The following PDSS2 variants were observed in gnomAD, a reference collection of about 807,000 sequenced individuals.
The protein encoded by PDSS2 is all trans-polyprenyl-diphosphate synthase PDSS2.
A neutral mutation model predicts 44.5 loss-of-function variants in PDSS2; 31 were observed. That is an observed-to-expected ratio of 0.70 (90% CI 0.52 to 0.94). PDSS2 has a LOEUF of 0.94. PDSS2 is among the 40% of genes least tolerant of loss of function. The pLI is 0.00. For synonymous variants in PDSS2, 157 were observed against 180.3 expected, an observed-to-expected ratio of 0.87 and a Z score of 1.03; for missense variants, 452 against 482.2, an observed-to-expected ratio of 0.94 and a Z score of 0.59.
At chr6:107,300,394 G>A (rs1008939680) in intron 2 of PDSS2, among the ~76,000 whole-genome samples, 5 of 140,634 alleles carry the variant, frequency 3.6e-5, no homozygotes, top group African/African-American at 1.0e-4. Flanking sequence ...AACAGCACTT[G>A]GGTTTTCCTG....
intron 2 of PDSS2, among the ~76,000 whole-genome samples, chr6:107,307,341 T>A (rs1776892068): frequency 6.6e-6 from 1 of 152,198 alleles, no homozygotes; most frequent in Non-Finnish European, 1.5e-5. Flanking sequence ...CCCCTGTTCA[T>A]CTCAGAGAAT....
chr6:107,213,320 T>C (rs1181449357), intron 4 of PDSS2, among the ~76,000 whole-genome samples: 1 of 151,920 alleles, frequency 6.6e-6, no homozygotes, highest in African/African-American at 2.4e-5. Flanking sequence ...TAATTTTTTT[T>C]TTTTTTTTTA....
At chr6:107,390,747 A>C (rs1213167748) in intron 1 of PDSS2, among the ~76,000 whole-genome samples, 2 of 152,136 alleles carry the variant, frequency 1.3e-5, no homozygotes, top group Non-Finnish European at 2.9e-5. Context: ...CCATAAATCT[A>C]ACATTATTCC....
chr6:107,335,205 G>C (rs1418559203), intron 1 of PDSS2, among the ~76,000 whole-genome samples: 1 of 150,860 alleles, frequency 6.6e-6, no homozygotes, highest in Non-Finnish European at 1.5e-5. Context: ...CACATTTGAG[G>C]CTTCCTCATT....
At chr6:107,285,516 T>C (rs1264831774) in intron 2 of PDSS2, among the ~76,000 whole-genome samples, 1 of 151,962 alleles carries the variant, frequency 6.6e-6, no homozygotes, top group Non-Finnish European at 1.5e-5. Context: ...AAAAAAAGTA[T>C]GATATCACAA....
intron 6 of PDSS2, among the ~76,000 whole-genome samples, chr6:107,196,039 T>C (rs1772552323): frequency 6.6e-6 from 1 of 152,232 alleles, no homozygotes. Context: ...AGTTTTTTAG[T>C]GTTCTAGGAT....
At chr6:107,351,620 T>C (rs977816985) in intron 1 of PDSS2, among the ~76,000 whole-genome samples, 1 of 152,176 alleles carries the variant, frequency 6.6e-6, no homozygotes, top group Non-Finnish European at 1.5e-5. Flanking sequence ...ATCGCCACTA[T>C]ATACACTGGT....
At chr6:107,179,989 T>C (rs1331424499) in intron 7 of PDSS2, among the ~76,000 whole-genome samples, 1 of 152,216 alleles carries the variant, frequency 6.6e-6, no homozygotes, top group Non-Finnish European at 1.5e-5. Flanking sequence ...TAGGTAACGA[T>C]ATCTTCTAAC....
chr6:107,299,232 G>A (rs1183638445), intron 2 of PDSS2, among the ~76,000 whole-genome samples: 1 of 147,920 alleles, frequency 6.8e-6, no homozygotes, highest in Non-Finnish European at 1.5e-5. Context: ...CATTTTTTGA[G>A]ATCCCAAATT....
At chr6:107,370,945 G>A (rs1018560071) in intron 1 of PDSS2, among the ~76,000 whole-genome samples, 6 of 152,210 alleles carry the variant, frequency 3.9e-5, no homozygotes, top group Non-Finnish European at 7.3e-5. Flanking sequence ...AGCACTTTGG[G>A]AGGCTGAGGC....
At chr6:107,454,645 T>C (rs1781977787) in intron 1 of PDSS2, among the ~76,000 whole-genome samples, 1 of 152,108 alleles carries the variant, frequency 6.6e-6, no homozygotes, top group African/African-American at 2.4e-5. Context: ...TTTCCTTTTT[T>C]TTTTTCCTGC....
At chr6:107,230,965 T>C (rs937882537) in intron 4 of PDSS2, among the ~76,000 whole-genome samples, 2 of 152,042 alleles carry the variant, frequency 1.3e-5, no homozygotes, top group African/African-American at 2.4e-5. Context: ...TCCTAGCACA[T>C]TGGGAGGCCA....
At chr6:107,421,941 T>C (rs979472401) in intron 1 of PDSS2, among the ~76,000 whole-genome samples, 14 of 151,960 alleles carry the variant, frequency 9.2e-5, no homozygotes, top group Admixed American at 2.0e-4. Flanking sequence ...TCTATACTTA[T>C]GCAAGATGTT....
intron 2 of PDSS2, among the ~76,000 whole-genome samples, chr6:107,317,418 G>A (rs1177363028): frequency 2.6e-5 from 4 of 152,200 alleles, no homozygotes; most frequent in Non-Finnish European, 5.9e-5. Flanking sequence ...GCCCCAGAGT[G>A]ATGAGGGAAT....
intron 1 of PDSS2, among the ~76,000 whole-genome samples, chr6:107,352,630 G>C (rs557023159): frequency 2.1e-4 from 32 of 152,244 alleles, no homozygotes; most frequent in Non-Finnish European, 3.8e-4. Context: ...TGAACAGCAA[G>C]AGGTGATGTA....
intron 4 of PDSS2, among the ~76,000 whole-genome samples, chr6:107,242,761 GCC>G (rs1774486082): frequency 6.6e-6 from 1 of 151,966 alleles, no homozygotes; most frequent in Non-Finnish European, 1.5e-5. Context: ...TGAACTCCTG[GCC>G]CCAAGAGATC....
chr6:107,241,686 T>C (rs1774439824), intron 4 of PDSS2, among the ~76,000 whole-genome samples: 1 of 152,170 alleles, frequency 6.6e-6, no homozygotes, highest in African/African-American at 2.4e-5. Context: ...TTCTAATGTA[T>C]CCAGTTCCAA....
intron 1 of PDSS2, among the ~76,000 whole-genome samples, chr6:107,344,892 A>C (rs1456115045): frequency 6.6e-6 from 1 of 152,194 alleles, no homozygotes; most frequent in Non-Finnish European, 1.5e-5. Flanking sequence ...ATGGTAACTA[A>C]AGATTTAAAA....
At chr6:107,382,809 C>A (rs932880406) in intron 1 of PDSS2, among the ~76,000 whole-genome samples, 9 of 152,010 alleles carry the variant, frequency 5.9e-5, no homozygotes, top group Non-Finnish European at 1.0e-4. Flanking sequence ...TGTACCCCAT[C>A]CTGAGTGACA....
Sources: allele counts gnomAD v4.1 joint callset (sites outside exome capture counted in the v4.1 genomes callset), GRCh38; gene constraint gnomAD v4.1.1; transcripts MANE v1.5; gene names NCBI Gene and HGNC (gene_info 2026-07-23, HGNC 2026-07-21).